Variants in EIF4H observed in about 807,000 individuals in gnomAD.
The protein encoded by EIF4H is eukaryotic translation initiation factor 4H.
Under a neutral mutation model 30.6 loss-of-function variants are expected in EIF4H, and 8 were observed. That is an observed-to-expected ratio of 0.26 (90% CI 0.15 to 0.47). EIF4H has a LOEUF of 0.47. Ranked by LOEUF, EIF4H falls within the 20% of genes least tolerant of loss-of-function variation. The pLI, the probability that EIF4H is intolerant of heterozygous loss-of-function variation, is 0.99. For synonymous variants in EIF4H, 106 were observed against 122.7 expected, an observed-to-expected ratio of 0.86 and a Z score of 0.90; for missense variants, 188 against 339.5, an observed-to-expected ratio of 0.55 and a Z score of 3.51.
At chr7:74,193,480 C>T (rs1801271401) in intron 5 of EIF4H, among the ~76,000 whole-genome samples, 2 of 152,164 alleles carry the variant, frequency 1.3e-5, no homozygotes, top group Non-Finnish European at 2.9e-5. Context: ...GGGGGTTCTT[C>T]TCAAAGACAA....
At chr7:74,192,560 T>G (rs536242269) in intron 5 of EIF4H, among the ~76,000 whole-genome samples, 1 of 152,216 alleles carries the variant, frequency 6.6e-6, no homozygotes, top group African/African-American at 2.4e-5. Flanking sequence ...TTGGAGGTGG[T>G]TCTGTGGAGT....
At chr7:74,185,095 A>C (rs1801052243) in intron 1 of EIF4H, among the ~76,000 whole-genome samples, 2 of 151,972 alleles carry the variant, frequency 1.3e-5, no homozygotes, top group African/African-American at 4.8e-5. Context: ...GGCTCAGGTG[A>C]TCCTCCCACC....
At chr7:74,186,007 G>A (rs956931623) in intron 1 of EIF4H, among the ~76,000 whole-genome samples, 1 of 152,078 alleles carries the variant, frequency 6.6e-6, no homozygotes, top group Non-Finnish European at 1.5e-5. Context: ...TTGAAATAAT[G>A]GTACAGTTGG....
chr7:74,194,530 CCTTTTT>C (rs1175428348), intron 5 of EIF4H, among the ~76,000 whole-genome samples: 1 of 152,202 alleles, frequency 6.6e-6, no homozygotes, highest in Non-Finnish European at 1.5e-5. Context: ...GATCTTGATT[CCTTTTT>C]CTTTGGGAAG....
intron 1 of EIF4H, among the ~76,000 whole-genome samples, chr7:74,175,463 T>C (rs1484328457): frequency 6.6e-6 from 1 of 152,162 alleles, no homozygotes; most frequent in African/African-American, 2.4e-5. Context: ...TATCTTTGTT[T>C]GGTAAAGAAT....
At chr7:74,186,905 G>A (rs1282057116) in intron 1 of EIF4H, among the ~76,000 whole-genome samples, 2 of 142,078 alleles carry the variant, frequency 1.4e-5, no homozygotes, top group South Asian at 2.3e-4. Context: ...TGCAGCCTCC[G>A]CTTCCCAGGT....
intron 1 of EIF4H, among the ~76,000 whole-genome samples, chr7:74,183,564 C>T (rs1801013069): frequency 6.6e-6 from 1 of 152,134 alleles, no homozygotes; most frequent in African/African-American, 2.4e-5. Flanking sequence ...AACCTGTTCT[C>T]CCATGTGTTG....
intron 1 of EIF4H, among the ~76,000 whole-genome samples, chr7:74,179,774 A>C (rs1800916918): frequency 6.6e-6 from 1 of 152,210 alleles, no homozygotes; most frequent in African/African-American, 2.4e-5. Context: ...ATGTTGGTAC[A>C]TTTTGTTATA....
intron 1 of EIF4H, among the ~76,000 whole-genome samples, chr7:74,176,702 G>A (rs534031073): frequency 5.9e-5 from 9 of 152,218 alleles, no homozygotes; most frequent in Non-Finnish European, 8.8e-5. Context: ...AACCAGTGCA[G>A]TTGTCAGGAA....
At chr7:74,175,551 G>A (rs1250157940) in intron 1 of EIF4H, among the ~76,000 whole-genome samples, 2 of 152,176 alleles carry the variant, frequency 1.3e-5, no homozygotes, top group Non-Finnish European at 2.9e-5. Context: ...TAATGTTCAT[G>A]ATACTGTAAC....
chr7:74,176,628 T>C (rs1453519975), intron 1 of EIF4H, among the ~76,000 whole-genome samples: 20 of 152,216 alleles, frequency 1.3e-4, no homozygotes, highest in Admixed American at 1.3e-3. Flanking sequence ...TGAACAGTTA[T>C]CATCATAAAA....
chr7:74,174,449 C>T lies in EIF4H; in HGVS notation c.59+7C>T. On this transcript the variant is annotated splice_region_variant and intron_variant, in intron 1 of 6. Transcript: ENST00000265753. ...GCTTCGGCGGCGGCAGAGGGTGAGGCGGGCGTGCGCGGGCCCCGTCGGGGG... is the reference window on the plus strand; with the variant it reads ...GCTTCGGCGGCGGCAGAGGGTGAGGTGGGCGTGCGCGGGCCCCGTCGGGGG... 2 of 1,425,194 alleles carry T rather than the reference C, an allele frequency of 1.4e-6. No individual in the cohort carries two copies. The highest frequency in any genetic ancestry group is 1.9e-6 in the Non-Finnish European group (2 of 1,073,944). 88.3% of individuals were successfully genotyped at this position (1,425,194 alleles called of 1,614,324 possible).
At chr7:74,187,253 A>T (rs1801105708) in intron 1 of EIF4H, among the ~76,000 whole-genome samples, 1 of 152,044 alleles carries the variant, frequency 6.6e-6, no homozygotes, top group African/African-American at 2.4e-5. Context: ...AACATGGTGA[A>T]ACCCTGTTTC....
At chr7:74,186,801 T>A (rs1554709228) in intron 1 of EIF4H, among the ~76,000 whole-genome samples, 295 of 11,480 alleles carry the variant, frequency 0.026, 92 homozygotes, top group African/African-American at 0.063. Context: ...TTTTTTTTTT[T>A]TTTTTTTTTT....
chr7:74,183,619 T>G (rs1554708796), intron 1 of EIF4H, among the ~76,000 whole-genome samples: 1 of 152,206 alleles, frequency 6.6e-6, no homozygotes, highest in Non-Finnish European at 1.5e-5. Flanking sequence ...GAAACACAGC[T>G]TATTTATTTA....
At chr7:74,194,317 GT>G (rs150537331) in intron 5 of EIF4H, among the ~76,000 whole-genome samples, 1 of 152,246 alleles carries the variant, frequency 6.6e-6, no homozygotes, top group African/African-American at 2.4e-5. Flanking sequence ...TGATTTTTGT[GT>G]TCTGAGTTGT....
chr7:74,192,821 G>A (rs1801254822), intron 5 of EIF4H, among the ~76,000 whole-genome samples: 1 of 151,828 alleles, frequency 6.6e-6, no homozygotes, highest in Non-Finnish European at 1.5e-5. Flanking sequence ...GGGATTACAG[G>A]CGCACACCAC....
In EIF4H at chr7:74,174,455, T is replaced by A; in HGVS notation, c.59+13T>A. The A allele has an allele frequency of 7.0e-7, 1 of 1,421,486 alleles. No homozygotes were observed. The highest frequency in any genetic ancestry group is 1.5e-5 in the South Asian group (1 of 65,160). 88.1% of individuals were successfully genotyped at this position (1,421,486 alleles called of 1,614,324 possible). On this transcript the variant is annotated intron_variant, in intron 1 of 6. Transcript: ENST00000265753. ...GCGGCGGCAGAGGGTGAGGCGGGCGTGCGCGGGCCCCGTCGGGGGCTGCGG... is the reference window on the plus strand; with the variant it reads ...GCGGCGGCAGAGGGTGAGGCGGGCGAGCGCGGGCCCCGTCGGGGGCTGCGG...
intron 5 of EIF4H, 36 bp from the exon 6 acceptor site, chr7:74,194,704 GT>G: frequency 2.6e-6 from 4 of 1,532,894 alleles, no homozygotes; most frequent in Non-Finnish European, 3.5e-6. Context: ...GGAGACGATA[GT>G]TTGAAAAGTA....
Sources: allele counts gnomAD v4.1 joint callset (sites outside exome capture counted in the v4.1 genomes callset), GRCh38; gene constraint gnomAD v4.1.1; transcripts MANE v1.5; gene names NCBI Gene and HGNC (gene_info 2026-07-23, HGNC 2026-07-21).